CENPC: variants seen among roughly 807,000 people sequenced by gnomAD.
CENPC encodes CENP-C 1.
Under a neutral mutation model 112.1 loss-of-function variants are expected in CENPC, and 63 were observed. The ratio of observed to expected loss-of-function variants is 0.56; its 90% CI spans 0.46 to 0.69. The LOEUF (loss-of-function observed/expected upper bound fraction) is 0.69, where lower values mean the gene tolerates loss of function less well. Ranked by LOEUF, CENPC falls within the 30% of genes least tolerant of loss-of-function variation. The pLI, the probability that CENPC is intolerant of heterozygous loss-of-function variation, is 0.00. For missense variants in CENPC, 1,000 were observed against 1,103.8 expected, an observed-to-expected ratio of 0.91 and a Z score of 1.33; for synonymous variants, 333 against 367.6, an observed-to-expected ratio of 0.91 and a Z score of 1.08.
rs987563130 is a variant in CENPC, at chr4:67,505,322, A to G, written c.2052-38T>C. 5 of 1,146,660 alleles carry G rather than the reference A, an allele frequency of 4.4e-6. No homozygotes were observed. The African/African-American group carries it at 6.3e-5, about 14-fold the overall frequency. 71.0% of individuals were successfully genotyped at this position (1,146,660 alleles called of 1,614,324 possible). ...AGGAAACCACAAAATTAATGCTTTT[A>G]TAATACATATATCTAATGTATTTGC... On this transcript the variant is annotated intron_variant, in intron 11 of 18. Coordinates refer to ENST00000273853, the MANE Select transcript of CENPC (RefSeq NM_001812.4).
At chr4:67,490,371 A>T (rs1725206883) in intron 16 of CENPC, among the ~76,000 whole-genome samples, 1 of 152,100 alleles carries the variant, frequency 6.6e-6, no homozygotes, top group African/African-American at 2.4e-5. Flanking sequence ...GATAAAATTA[A>T]ATAATAATAA....
At chr4:67,537,954 A>C (rs1021132623) in intron 4 of CENPC, among the ~76,000 whole-genome samples, 2 of 152,180 alleles carry the variant, frequency 1.3e-5, no homozygotes, top group Non-Finnish European at 2.9e-5. Flanking sequence ...ATGGCACTCC[A>C]TCCTGGGCTA....
chr4:67,536,880 A>T (rs930617131), intron 4 of CENPC, among the ~76,000 whole-genome samples: 11 of 151,946 alleles, frequency 7.2e-5, no homozygotes, highest in Non-Finnish European at 1.6e-4. Flanking sequence ...TGACAAAATT[A>T]ATCGATGAAA....
intron 5 of CENPC, among the ~76,000 whole-genome samples, chr4:67,522,810 G>C (rs1159216547): frequency 6.6e-6 from 1 of 152,006 alleles, no homozygotes; most frequent in Non-Finnish European, 1.5e-5. Flanking sequence ...GATGAGCCTG[G>C]CCAACATGGT....
At chr4:67,491,472 TATATATATAGAGAGAGAGAGAG>T (rs1725265876) in intron 16 of CENPC, among the ~76,000 whole-genome samples, 2 of 39,266 alleles carry the variant, frequency 5.1e-5, no homozygotes, top group South Asian at 1.3e-3. Flanking sequence ...TATATATATA[TATATATATAGAGAGAGAGAGAG>T]AGAGAGAGAG....
chr4:67,491,445 TCATATATATATA>T lies in CENPC; in HGVS notation c.2515+723_2515+734del, dbSNP rs773209918. 1.4e-3 allele frequency among the ~76,000 whole-genome samples: 93 copies of T among 64,154 alleles called. 3 individuals carry two copies. Among genetic ancestry groups the T allele is most frequent in the South Asian group, 3.7e-3 (6 of 1,610 alleles). The allele number at this position is 64,154 out of a possible 152,430, so 42.1% of individuals were successfully genotyped here. A position where few individuals can be genotyped will look rare whatever the true frequency, so the allele number is the denominator to read the frequency against. The stretch of plus-strand genomic sequence containing the variant: ...ACAGTTGTTAATATATTTAAATATT[TCATATATATATA>T]TATATATATATATATATATATATAG... On this transcript the variant is annotated intron_variant, in intron 16 of 18. Coordinates refer to ENST00000273853, the MANE Select transcript of CENPC (RefSeq NM_001812.4).
At chr4:67,523,382 G>A (rs1239105127) in intron 5 of CENPC, among the ~76,000 whole-genome samples, 1 of 152,170 alleles carries the variant, frequency 6.6e-6, no homozygotes, top group African/African-American at 2.4e-5. Context: ...CTATTCTCTA[G>A]TTGATAAAAC....
Position 67,478,998 on chromosome 4 carries a change from G to T in CENPC, c.2671-4020C>A, listed in dbSNP as rs116940301. ...AGAAGGCCATTATGTAATAAGAAAT[G>T]GACTAGTCCAACAGGAAAATATCAC... On this transcript the variant is annotated intron_variant, in intron 17 of 18. Coordinates refer to ENST00000273853, the MANE Select transcript of CENPC (RefSeq NM_001812.4). 1.6e-3 allele frequency among the ~76,000 whole-genome samples: 245 copies of T among 152,258 alleles called. 8 individuals carry two copies. The East Asian group carries it at 0.043, about 27-fold the overall frequency.
rs2109794915 is a variant in CENPC, at chr4:67,506,876, T to A, written c.1963A>T (p.Lys655Ter). The A allele has an allele frequency of 6.2e-7, 1 of 1,612,574 alleles. No homozygotes were observed. Among genetic ancestry groups the A allele is most frequent in the Admixed American group, 1.7e-5 (1 of 59,876 alleles). The change falls in exon 11 of 19, where the codon AAG becomes TAG. Residue 655 changes from lysine to a stop codon, truncating the protein, a stop_gained. Coordinates refer to ENST00000273853, the MANE Select transcript of CENPC (RefSeq NM_001812.4). LOFTEE classifies it high-confidence loss of function. ...NIMTAQNVPL[K>*]PQTSGYTCNI... ...CATGTATATCCACTGGTCTGAGGCT[T>A]TAGGGGAACATTCTGTGCAGTCATA...
chr4:67,507,578 G>A (rs963442930), intron 10 of CENPC, among the ~76,000 whole-genome samples: 5 of 152,156 alleles, frequency 3.3e-5, no homozygotes, highest in Admixed American at 1.3e-4. Flanking sequence ...AGAGGAAACA[G>A]TCTCAAAATA....
At chr4:67,507,733 C>G (rs112069616) in intron 10 of CENPC, among the ~76,000 whole-genome samples, 1 of 152,094 alleles carries the variant, frequency 6.6e-6, no homozygotes, top group Non-Finnish European at 1.5e-5. Context: ...TACTTCCCAA[C>G]TCATTGTATA....
chr4:67,513,050 G>A (rs1033798527), intron 8 of CENPC, among the ~76,000 whole-genome samples: 8 of 152,134 alleles, frequency 5.3e-5, no homozygotes, highest in African/African-American at 1.7e-4. Context: ...TCAGAGAGAT[G>A]AGATGATGGA....
intron 17 of CENPC, among the ~76,000 whole-genome samples, chr4:67,475,770 T>C (rs1724787990): frequency 2.0e-5 from 3 of 152,114 alleles, no homozygotes; most frequent in Admixed American, 1.3e-4. Flanking sequence ...GGCTAATTTT[T>C]TTTTGTATTT....
chr4:67,521,153 A>T (rs1449016542), intron 5 of CENPC, among the ~76,000 whole-genome samples: 1 of 151,588 alleles, frequency 6.6e-6, no homozygotes, highest in Non-Finnish European at 1.5e-5. Context: ...TAAGTAACCA[A>T]ATCTCAGGAA....
At chr4:67,486,971 T>TTTG (rs1296516113) in intron 17 of CENPC, among the ~76,000 whole-genome samples, 1 of 148,900 alleles carries the variant, frequency 6.7e-6, no homozygotes, top group Non-Finnish European at 1.5e-5. Context: ...CTTTTAGGTT[T>TTTG]TTTTTTTTTT....
chr4:67,502,179 T>C (rs191489286), intron 12 of CENPC, among the ~76,000 whole-genome samples: 4 of 152,242 alleles, frequency 2.6e-5, no homozygotes, highest in East Asian at 1.9e-4. Context: ...TGGTTCATTG[T>C]GTTTAAAAAG....
chr4:67,519,599 A>G (rs918619433), intron 5 of CENPC, 97 bp from the exon 6 acceptor site: 25 of 833,226 alleles, frequency 3.0e-5, no homozygotes, highest in Non-Finnish European at 3.9e-5. Context: ...AATCAGAAAT[A>G]GTTTTCAGAA....
At position 67,471,875 on chromosome 4, in the gene CENPC, A is replaced by C. The variant is rs1724668625; in HGVS notation, c.*730T>G. ...CGAAGGACACTGCCTCCAACAGAAA[A>C]TATGAACCAAAAAGCATAATGGAAA... On this transcript the variant is annotated 3_prime_UTR_variant, in exon 19 of 19. Transcript: ENST00000273853. The C allele has an allele frequency of 6.6e-6, 1 of 152,398 alleles. No homozygotes were observed. Among genetic ancestry groups the C allele is most frequent in the African/African-American group, 2.4e-5 (1 of 41,452 alleles). 9.4% of individuals were successfully genotyped at this position (152,398 alleles called of 1,614,324 possible). A position where few individuals can be genotyped will look rare whatever the true frequency, so the allele number is the denominator to read the frequency against.
intron 4 of CENPC, among the ~76,000 whole-genome samples, chr4:67,532,291 T>C (rs962449589): frequency 2.6e-5 from 4 of 152,326 alleles, no homozygotes; most frequent in African/African-American, 9.6e-5. Flanking sequence ...ACTTTTACAC[T>C]GTTGGTGGGA....
Sources: allele counts gnomAD v4.1 joint callset (sites outside exome capture counted in the v4.1 genomes callset), GRCh38; gene constraint gnomAD v4.1.1; transcripts MANE v1.5; gene names NCBI Gene and HGNC (gene_info 2026-07-23, HGNC 2026-07-21).